RRP12: variants seen among roughly 807,000 people sequenced by gnomAD.
RRP12 encodes the protein ribosomal RNA processing 12 homolog.
Under a neutral mutation model 157.3 loss-of-function variants are expected in RRP12, and 78 were observed. The observed-to-expected ratio is 0.50, with a 90% CI of 0.41 to 0.60. The LOEUF (loss-of-function observed/expected upper bound fraction) is 0.60, where lower values mean the gene tolerates loss of function less well. RRP12 is among the 20% of genes least tolerant of loss of function. The pLI, the probability that RRP12 is intolerant of heterozygous loss-of-function variation, is 0.00. For missense variants in RRP12, 1,521 were observed against 1,679.9 expected (o/e 0.91, Z 1.65); for synonymous variants, 726 against 670.9 (o/e 1.08, Z -1.27).
chr10:97,364,008 C>T (rs1050949359), intron 29 of RRP12, 105 bp from the exon 30 acceptor site: 21 of 969,796 alleles, frequency 2.2e-5, no homozygotes, highest in Non-Finnish European at 3.0e-5. Flanking sequence ...CCACCAACTC[C>T]GGCCCCAGAA....
downstream of RRP12, chr10:97,356,679 G>A (rs568374498): frequency 5.9e-6 from 1 of 168,134 alleles, no homozygotes; most frequent in South Asian, 1.5e-4. Flanking sequence ...GGCAGACTAT[G>A]AAACAGTTTC....
At chr10:97,392,753 A>T (rs1844844909) in intron 4 of RRP12, among the ~76,000 whole-genome samples, 4 of 148,422 alleles carry the variant, frequency 2.7e-5, no homozygotes, top group Admixed American at 2.0e-4. Flanking sequence ...GTGCAATGGC[A>T]TGATCTCAGC....
intron 10 of RRP12, among the ~76,000 whole-genome samples, chr10:97,382,593 G>C (rs2133071262): frequency 6.6e-6 from 1 of 152,222 alleles, no homozygotes; most frequent in East Asian, 1.9e-4. Context: ...ACTTGCCCAA[G>C]GCCACCCAGC....
Position 97,369,476 on chromosome 10 carries a change from C to T in RRP12, c.2904G>A (p.Val968=), listed in dbSNP as rs1013065611. ...VVKSALGFIK[V]AVTVMDVAHL... ...GCGCCACGTCCATGACAGTCACTGC[C>T]ACCTTGATGAAGCCCAGTGCAGACT... The change falls in exon 25 of 34, where the codon GTG becomes GTA. Residue 968 remains valine (V), a synonymous_variant. Transcript: ENST00000370992. 9 of 1,611,808 alleles carry T rather than the reference C, an allele frequency of 5.6e-6. No homozygotes were observed. Among genetic ancestry groups the T allele is most frequent in the Non-Finnish European group, 7.6e-6 (9 of 1,179,056 alleles).
rs1844696612 is a variant in RRP12, at chr10:97,388,321, G to C, written c.948C>G (p.Pro316=). 1.2e-6 allele frequency: 2 copies of C among 1,613,912 alleles called. No homozygotes were observed. The highest frequency in any genetic ancestry group is 1.7e-5 in the Admixed American group (1 of 59,984). The change falls in exon 8 of 34, where the codon CCC becomes CCG. Residue 316 remains proline (P), a synonymous_variant. Coordinates refer to ENST00000370992, the MANE Select transcript of RRP12 (RefSeq NM_015179.4). ...TCTTCACCAGGCCTTCCGGGAAGCA[G>C]GGCAGCAGGTCCTTCAGCAGCGTCA... is the stretch of plus-strand genomic sequence containing the variant. ...HMLTLLKDLL[P]CFPEGLVKSC...
chr10:97,367,904 G>T (rs1386834323), intron 25 of RRP12, among the ~76,000 whole-genome samples: 2 of 152,000 alleles, frequency 1.3e-5, no homozygotes, highest in African/African-American at 2.4e-5. Flanking sequence ...GCTAATTTTT[G>T]TATTTTTAGT....
intron 1 of RRP12, 42 bp from the exon 2 acceptor site, chr10:97,400,576 G>C (rs557430121): frequency 2.0e-6 from 3 of 1,538,240 alleles, no homozygotes; most frequent in Non-Finnish European, 2.7e-6. Context: ...GCCTCCTTTT[G>C]GTCAAGAGAA....
intron 1 of RRP12, 88 bp from the exon 2 acceptor site, chr10:97,400,622 A>C: frequency 4.8e-6 from 5 of 1,045,538 alleles, no homozygotes; most frequent in Non-Finnish European, 7.1e-6. Flanking sequence ...AGCCCAGGCC[A>C]AATCTCCAAC....
chr10:97,371,249 G>A lies in RRP12; in HGVS notation c.2344-168C>T, dbSNP rs147993465. On this transcript the variant is annotated intron_variant, in intron 20 of 33. Transcript: ENST00000370992. ...GACAGCGAGTGGCTAACTCCTGGGCGAGGCACAGGGGTTGGGGGTGTGTGC... is the reference window on the plus strand; with the variant it reads ...GACAGCGAGTGGCTAACTCCTGGGCAAGGCACAGGGGTTGGGGGTGTGTGC... 548 of 699,702 alleles carry A rather than the reference G, an allele frequency of 7.8e-4. 4 individuals are homozygous for A. The East Asian group carries it at 0.012, about 16-fold the overall frequency. The allele number at this position is 699,702 out of a possible 1,614,324, so 43.3% of individuals were successfully genotyped here.
chr10:97,385,945 T>C lies in RRP12; in HGVS notation c.1066A>G (p.Arg356Gly), dbSNP rs147583725. Residue 356 changes from arginine (R) to glycine (G), a missense_variant, in exon 9 of 34, where the codon AGG becomes GGG. Arg to Gly is a moderately radical substitution (Grantham distance 125). Coordinates refer to ENST00000370992, the MANE Select transcript of RRP12 (RefSeq NM_015179.4). ...MQAFHSLFHA[R>G]PGLSTLSAEL... ...GCTGACAGGGTGCTCAGGCCAGGCCTGGCGTGGAAGAGGCTGTGAAAGGCC... is the reference window on the plus strand; with the variant it reads ...GCTGACAGGGTGCTCAGGCCAGGCCCGGCGTGGAAGAGGCTGTGAAAGGCC... The C allele has an allele frequency of 6.2e-7, 1 of 1,607,018 alleles. No individual in the cohort carries two copies. Among genetic ancestry groups the C allele is most frequent in the African/African-American group, 1.3e-5 (1 of 74,834 alleles).
rs1843989557 is a variant in RRP12 at position 97,366,627 on chromosome 10, G to A, written c.3216-6C>T. On this transcript the variant is annotated splice_region_variant and splice_polypyrimidine_tract_variant and intron_variant, in intron 27 of 33. Transcript: ENST00000370992. Reference sequence around the variant, plus strand: ...CAGCTAAAATCTCCTCAATGCTAAGGACAAAAAGCCCCCAGTCAGAGTGCT... The same window carrying A: ...CAGCTAAAATCTCCTCAATGCTAAGAACAAAAAGCCCCCAGTCAGAGTGCT... 6.2e-7 allele frequency: 1 copy of A among 1,608,130 alleles called. No homozygotes were observed. Among genetic ancestry groups the A allele is most frequent in the African/African-American group, 1.3e-5 (1 of 74,736 alleles).
At chr10:97,387,983 A>C (rs1844686789) in intron 8 of RRP12, 3 of 424,518 alleles carry the variant, frequency 7.1e-6, no homozygotes, top group Admixed American at 4.2e-5. Context: ...TATAGGGTAC[A>C]TAGAGCTGGT....
At chr10:97,371,663 A>G (rs72838761) in intron 20 of RRP12, 2,784 of 192,136 alleles carry the variant, frequency 0.014, 33 homozygotes, top group Middle Eastern at 0.022. Flanking sequence ...GGGCATTTCA[A>G]GCTGAGGACC....
chr10:97,392,518 T>A (rs1023808412), intron 4 of RRP12, among the ~76,000 whole-genome samples: 5 of 150,846 alleles, frequency 3.3e-5, no homozygotes, highest in African/African-American at 9.8e-5. Context: ...CCTGGCTAAT[T>A]TTGTATTTTT....
chr10:97,390,665 G>A (rs998867438), intron 5 of RRP12, 74 bp downstream of exon 5: 10 of 1,385,966 alleles, frequency 7.2e-6, no homozygotes, highest in Non-Finnish European at 1.0e-5. Flanking sequence ...CCCCTCTCAG[G>A]GAACATCTAA....
At chr10:97,386,219 A>G (rs1217272645) in intron 8 of RRP12, among the ~76,000 whole-genome samples, 1 of 152,090 alleles carries the variant, frequency 6.6e-6, no homozygotes, top group Admixed American at 6.6e-5. Flanking sequence ...TGGTTTTAAC[A>G]TAACAGCCAA....
Position 97,366,234 on chromosome 10 carries a change from C to T in RRP12, c.3392-1G>A. The T allele has an allele frequency of 1.9e-6, 3 of 1,611,470 alleles. No individual in the cohort carries two copies. The highest frequency in any genetic ancestry group is 2.5e-6 in the Non-Finnish European group (3 of 1,179,940). ...CCCCGGCCTGGCCCTGGCTGCGTGG[C>T]TGGGGTGTAGAGTTTGGCATGAGGA... is the stretch of plus-strand genomic sequence containing the variant. On this transcript the variant is annotated splice_acceptor_variant, in intron 28 of 33. Coordinates refer to ENST00000370992, the MANE Select transcript of RRP12 (RefSeq NM_015179.4). LOFTEE classifies it high-confidence loss of function.
chr10:97,373,035 C>T lies in RRP12; in HGVS notation c.2181+11G>A, dbSNP rs377240273. ...CCCCTCCTCCCTCCTTCCCTCCCTT[C>T]CGTGGCTCACCTGAGTGTCAGTGAT... On this transcript the variant is annotated intron_variant, in intron 18 of 33. Transcript: ENST00000370992. 3 of 1,603,398 alleles carry T rather than the reference C, an allele frequency of 1.9e-6. No individual in the cohort carries two copies. The highest frequency in any genetic ancestry group is 2.2e-5 in the East Asian group (1 of 44,640).
intron 20 of RRP12, 181 bp downstream of exon 20, chr10:97,371,892 T>C: frequency 1.8e-6 from 1 of 555,340 alleles, no homozygotes; most frequent in Non-Finnish European, 3.3e-6. Context: ...TCAGTCCCTT[T>C]GGGACCTGCA....
Sources: allele counts gnomAD v4.1 joint callset (sites outside exome capture counted in the v4.1 genomes callset), GRCh38; gene constraint gnomAD v4.1.1; transcripts MANE v1.5; gene names NCBI Gene and HGNC (gene_info 2026-07-23, HGNC 2026-07-21).